MDN1: variants seen among roughly 807,000 people sequenced by gnomAD.
The protein encoded by MDN1 is midasin AAA ATPase 1, also known as midasin.
MDN1 carries 266 observed loss-of-function variants against 669.2 expected under a neutral mutation model. The ratio of observed to expected loss-of-function variants is 0.40; its 90% CI spans 0.36 to 0.44. The LOEUF (loss-of-function observed/expected upper bound fraction) is 0.44. Ranked by LOEUF, MDN1 falls within the 20% of genes least tolerant of loss-of-function variation. MDN1 has a pLI of 1.00. For synonymous variants in MDN1, 2,385 were observed against 2,457.1 expected, an observed-to-expected ratio of 0.97 and a Z score of 0.87; for missense variants, 5,940 against 6,754.0, an observed-to-expected ratio of 0.88 and a Z score of 4.22.
Position 89,790,466 on chromosome 6 carries a change from C to G in MDN1, c.856-65G>C, listed in dbSNP as rs1819201028. 2.5e-6 allele frequency: 4 copies of G among 1,598,244 alleles called. No individual in the cohort carries two copies. In the African/African-American group the frequency reaches 5.4e-5, roughly 22 times the overall value. On this transcript the variant is annotated intron_variant, in intron 5 of 101. Transcript: ENST00000369393. ...TCCCCCAAGGAACCGAAGTTAATTT[C>G]CACAGTAAGCCTTCTACTAACCTTA...
At chr6:89,720,561 T>C (rs1431300400) in intron 40 of MDN1, among the ~76,000 whole-genome samples, 1 of 152,142 alleles carries the variant, frequency 6.6e-6, no homozygotes, top group Non-Finnish European at 1.5e-5. Context: ...ATAAGGTCCA[T>C]TACAATAACC....
intron 1 of MDN1, among the ~76,000 whole-genome samples, chr6:89,809,752 G>A (rs1298074152): frequency 2.1e-5 from 3 of 146,226 alleles, no homozygotes; most frequent in Admixed American, 6.9e-5. Flanking sequence ...CTCAAGCCTG[G>A]GTGCCAGAGC....
intron 14 of MDN1, 23 bp downstream of exon 14, chr6:89,772,550 G>A: frequency 6.2e-7 from 1 of 1,603,984 alleles, no homozygotes; most frequent in Non-Finnish European, 8.5e-7. Flanking sequence ...TCTGGGGGCA[G>A]ATTTATTTCC....
chr6:89,656,469 C>G (rs1054445955), intron 91 of MDN1, among the ~76,000 whole-genome samples: 1 of 152,132 alleles, frequency 6.6e-6, no homozygotes, highest in Non-Finnish European at 1.5e-5. Flanking sequence ...GACTTCATGG[C>G]CGGAATCAGG....
intron 24 of MDN1, 65 bp downstream of exon 24, chr6:89,750,289 T>C (rs924638463): frequency 6.8e-7 from 1 of 1,461,254 alleles, no homozygotes; most frequent in Non-Finnish European, 9.4e-7. Context: ...ATGAAGAATA[T>C]TACTTAAGGA....
At position 89,700,105 on chromosome 6, in the gene MDN1, T is replaced by C; in HGVS notation, c.8828A>G (p.Tyr2943Cys). The C allele has an allele frequency of 6.2e-7, 1 of 1,614,182 alleles. No homozygotes were observed. The highest frequency in any genetic ancestry group is 1.1e-5 in the South Asian group (1 of 91,084). The change falls in exon 57 of 102, where the codon TAC becomes TGC. Residue 2943 changes from tyrosine to cysteine, a missense_variant. Physicochemically the swap from Tyr to Cys is radical, Grantham distance 194. Coordinates refer to ENST00000369393, the MANE Select transcript of MDN1 (RefSeq NM_014611.3). ...AMEYLAMLWR[Y>C]KVTADFMAQA... is the part of the protein sequence containing the mutation. ...TGCCATAAAATCAGCTGTCACTTTG[T>C]ACCGCCAAAGCATAGCCAGGTACTC...
intron 35 of MDN1, among the ~76,000 whole-genome samples, chr6:89,730,366 G>A (rs2128314939): frequency 6.6e-6 from 1 of 152,302 alleles, no homozygotes; most frequent in South Asian, 2.1e-4. Flanking sequence ...AGGTTGTATA[G>A]TTAAGATACA....
chr6:89,754,961 T>G (rs1238176122), intron 20 of MDN1, among the ~76,000 whole-genome samples: 6 of 152,190 alleles, frequency 3.9e-5, no homozygotes, highest in Admixed American at 3.9e-4. Flanking sequence ...TCAAAATATT[T>G]TTGTGTAGAA....
intron 10 of MDN1, among the ~76,000 whole-genome samples, chr6:89,780,642 T>A (rs1034536171): frequency 2.3e-4 from 22 of 97,654 alleles, no homozygotes; most frequent in Admixed American, 6.8e-4. Flanking sequence ...TGCCATTTCC[T>A]TTTTTTTTTT....
At position 89,654,346 on chromosome 6, in the gene MDN1, G is replaced by A; in HGVS notation, c.15491-12C>T. 1.2e-6 allele frequency: 2 copies of A among 1,613,914 alleles called. No individual in the cohort carries two copies. The highest frequency in any genetic ancestry group is 1.7e-6 in the Non-Finnish European group (2 of 1,179,896). ...TTTGCTGGCCACATCTGTCAACAAA[G>A]CACGCACCCACACATAAAAATCCTA... On this transcript the variant is annotated splice_polypyrimidine_tract_variant and intron_variant, in intron 92 of 101. Transcript: ENST00000369393.
At chr6:89,696,300 G>A in intron 60 of MDN1, 60 bp downstream of exon 60, 1 of 1,522,076 alleles carries the variant, frequency 6.6e-7, no homozygotes, top group South Asian at 1.1e-5. Flanking sequence ...CTGGGTCTCT[G>A]CTCCATGCTG....
intron 36 of MDN1, 90 bp from the exon 37 acceptor site, chr6:89,728,045 G>A: frequency 7.0e-7 from 1 of 1,436,732 alleles, no homozygotes; most frequent in Non-Finnish European, 9.4e-7. Flanking sequence ...ATAAATACTT[G>A]GGGCTGGCAC....
intron 94 of MDN1, 53 bp downstream of exon 94, chr6:89,652,939 T>G: frequency 6.5e-7 from 1 of 1,535,686 alleles, no homozygotes; most frequent in Non-Finnish European, 8.8e-7. Context: ...TAAAATTTTA[T>G]TTTGTTAATT....
At position 89,690,764 on chromosome 6, in the gene MDN1, T is replaced by C; in HGVS notation, c.10658A>G (p.Tyr3553Cys). 3 of 1,614,162 alleles carry C rather than the reference T, an allele frequency of 1.9e-6. No individual in the cohort carries two copies. The highest frequency in any genetic ancestry group is 2.5e-6 in the Non-Finnish European group (3 of 1,180,018). ...CCTAGAGTTCCTGCTCCTGTATCTATACAGGCCGCTTTCCTGCTCAGCCTT... is the reference window on the plus strand; with the variant it reads ...CCTAGAGTTCCTGCTCCTGTATCTACACAGGCCGCTTTCCTGCTCAGCCTT... Reference protein sequence around the residue: ...QEKAEQESGLYRYRSRNSRTA... With the variant: ...QEKAEQESGLCRYRSRNSRTA... Residue 3553 changes from tyrosine (Y) to cysteine (C), a missense_variant, in exon 64 of 102, where the codon TAT (tyrosine) becomes TGT (cysteine). This residue lies in a region of MDN1 where 2,280 missense variants were observed against 2,576.3 expected (regional missense o/e 0.88). Coordinates refer to ENST00000369393, the MANE Select transcript of MDN1 (RefSeq NM_014611.3).
intron 78 of MDN1, 21 bp downstream of exon 78, chr6:89,675,443 G>A (rs760265368): frequency 6.2e-7 from 1 of 1,600,282 alleles, no homozygotes; most frequent in Non-Finnish European, 8.5e-7. Context: ...CATGCCACAA[G>A]CCCAACTCAT....
chr6:89,723,769 G>T, intron 38 of MDN1, 150 bp from the exon 39 acceptor site: 1 of 479,738 alleles, frequency 2.1e-6, no homozygotes, highest in Non-Finnish European at 3.6e-6. Flanking sequence ...TTCTTTTTTT[G>T]TGTTTTGAGA....
rs138722665 is a variant in MDN1 at position 89,709,021 on chromosome 6, A to G, written c.7766-393T>C. Reference sequence around the variant, plus strand: ...TACGTACATGGCAGAAAATGAATAAATACACCTCACTATCTGTTTTCATTA... The same window carrying G: ...TACGTACATGGCAGAAAATGAATAAGTACACCTCACTATCTGTTTTCATTA... On this transcript the variant is annotated intron_variant, in intron 50 of 101. Coordinates refer to ENST00000369393, the MANE Select transcript of MDN1 (RefSeq NM_014611.3). 1.3e-3 allele frequency among the ~76,000 whole-genome samples: 194 copies of G among 152,232 alleles called. 1 individual carries two copies. The highest frequency in any genetic ancestry group is 4.5e-3 in the African/African-American group (188 of 41,536).
intron 5 of MDN1, among the ~76,000 whole-genome samples, chr6:89,790,887 G>A (rs1481854117): frequency 1.3e-5 from 2 of 152,132 alleles, no homozygotes; most frequent in African/African-American, 4.8e-5. Context: ...GCTGGACATG[G>A]TGGCATATGC....
chr6:89,661,938 A>T, intron 87 of MDN1, 149 bp downstream of exon 87: 1 of 913,860 alleles, frequency 1.1e-6, no homozygotes, highest in Non-Finnish European at 1.7e-6. Flanking sequence ...ATGTCCTGTT[A>T]AGAGCCTCTG....
Sources: gnomAD v4.1 joint callset for allele counts (sites outside exome capture counted in the v4.1 genomes callset) on GRCh38, gnomAD v4.1.1 for gene constraint, gnomAD v4.1.1 regional missense constraint, MANE v1.5 for transcripts, NCBI Gene and HGNC (gene_info 2026-07-23, HGNC 2026-07-21) for gene names.